The following LTBP1 variants were observed in gnomAD, a reference collection of about 807,000 sequenced individuals.
The protein encoded by LTBP1 is latent transforming growth factor beta binding protein 1.
Under a neutral mutation model 207.6 loss-of-function variants are expected in LTBP1, and 129 were observed. The ratio of observed to expected loss-of-function variants is 0.62; its 90% CI spans 0.54 to 0.72. The LOEUF (loss-of-function observed/expected upper bound fraction) is 0.72, where lower values mean the gene tolerates loss of function less well. LTBP1 is among the 30% of genes least tolerant of loss of function. The probability of loss-of-function intolerance (pLI) is 0.00; values close to 1 mark genes in which losing one functional copy is unlikely to be tolerated. For missense variants in LTBP1, 2,281 were observed against 2,217.2 expected (o/e 1.03, Z -0.58); for synonymous variants, 963 against 833.7 (o/e 1.16, Z -2.67).
chr2:33,251,202 C>T (rs1457296074), intron 10 of LTBP1, among the ~76,000 whole-genome samples: 1 of 152,204 alleles, frequency 6.6e-6, no homozygotes, highest in East Asian at 1.9e-4. Flanking sequence ...CTACTAACAA[C>T]TGCATCCTAA....
At chr2:33,106,793 A>G (rs1343149678) in intron 3 of LTBP1, among the ~76,000 whole-genome samples, 2 of 152,210 alleles carry the variant, frequency 1.3e-5, no homozygotes, top group Non-Finnish European at 2.9e-5. Context: ...CATTGGCTTC[A>G]ACTTAAAGTC....
At chr2:33,098,589 C>T (rs1279115009) in intron 3 of LTBP1, among the ~76,000 whole-genome samples, 1 of 151,918 alleles carries the variant, frequency 6.6e-6, no homozygotes, top group Non-Finnish European at 1.5e-5. Flanking sequence ...CATGCCACCA[C>T]ACCCAGTGAA....
chr2:33,329,111 A>G (rs929599514), intron 24 of LTBP1, among the ~76,000 whole-genome samples: 3 of 152,190 alleles, frequency 2.0e-5, no homozygotes, highest in Admixed American at 6.6e-5. Flanking sequence ...TTTTCAGAGT[A>G]CCAGTTTACA....
intron 31 of LTBP1, among the ~76,000 whole-genome samples, chr2:33,384,925 G>A (rs1375555440): frequency 6.6e-6 from 1 of 152,106 alleles, no homozygotes; most frequent in Non-Finnish European, 1.5e-5. Flanking sequence ...ATCCTAAAGA[G>A]GATGACTTGC....
In LTBP1 at chr2:33,209,013, G is replaced by A. The variant is rs1272993991; in HGVS notation, c.1702-8539G>A. ...CTCCCAAGTAGCTGGGATTACAGGC[G>A]CCCGCCACCAAGCTTGGCTATTTTT... is the stretch of plus-strand genomic sequence containing the variant. On this transcript the variant is annotated intron_variant, in intron 7 of 33. Coordinates refer to ENST00000404816, the MANE Select transcript of LTBP1 (RefSeq NM_206943.4). Among the ~76,000 whole-genome samples, 7 of 151,714 alleles carry A rather than the reference G, an allele frequency of 4.6e-5. 1 individual carries two copies. Among genetic ancestry groups the A allele is most frequent in the Admixed American group, 2.6e-4 (4 of 15,228 alleles).
intron 10 of LTBP1, among the ~76,000 whole-genome samples, chr2:33,244,523 A>C (rs952570356): frequency 6.6e-6 from 1 of 152,254 alleles, no homozygotes; most frequent in Non-Finnish European, 1.5e-5. Flanking sequence ...ATCACTACAG[A>C]TCATATGCCA....
intron 5 of LTBP1, among the ~76,000 whole-genome samples, chr2:33,175,598 C>A (rs1403215186): frequency 6.6e-6 from 1 of 152,158 alleles, no homozygotes; most frequent in African/African-American, 2.4e-5. Flanking sequence ...CAGTGTGACA[C>A]TTCCTCAGGG....
chr2:33,235,743 GT>G (rs2092013168), intron 9 of LTBP1, among the ~76,000 whole-genome samples: 2 of 152,190 alleles, frequency 1.3e-5, no homozygotes, highest in Admixed American at 1.3e-4. Context: ...ATGAGTTCAT[GT>G]CCTCTGCAGG....
chr2:33,321,285 C>T (rs1003992065), intron 24 of LTBP1, among the ~76,000 whole-genome samples: 3 of 152,092 alleles, frequency 2.0e-5, no homozygotes, highest in Non-Finnish European at 4.4e-5. Context: ...AACCCCATAA[C>T]CTTCTTAGGT....
intron 5 of LTBP1, among the ~76,000 whole-genome samples, chr2:33,179,587 A>G (rs1035322662): frequency 6.6e-6 from 1 of 151,914 alleles, no homozygotes; most frequent in Non-Finnish European, 1.5e-5. Context: ...CTCTTCTCTC[A>G]TATGTAAAAG....
chr2:33,335,382 C>T (rs2094543141), intron 24 of LTBP1, among the ~76,000 whole-genome samples: 1 of 152,074 alleles, frequency 6.6e-6, no homozygotes, highest in Admixed American at 6.5e-5. Flanking sequence ...TAGTCAGACT[C>T]GGCCCAGGGA....
chr2:33,366,098 C>T (rs539924669), intron 31 of LTBP1, among the ~76,000 whole-genome samples: 2 of 152,314 alleles, frequency 1.3e-5, no homozygotes, highest in African/African-American at 2.4e-5. Context: ...AGTTTCATCC[C>T]CTCTCCCAGT....
At chr2:33,135,341 T>C (rs893707169) in intron 5 of LTBP1, among the ~76,000 whole-genome samples, 3 of 152,242 alleles carry the variant, frequency 2.0e-5, no homozygotes, top group African/African-American at 7.2e-5. Context: ...TTGACTCATG[T>C]AATAAATTTT....
intron 3 of LTBP1, among the ~76,000 whole-genome samples, chr2:33,027,760 C>T (rs2075495978): frequency 6.6e-6 from 1 of 152,134 alleles, no homozygotes; most frequent in Non-Finnish European, 1.5e-5. Context: ...TCGCTTGAAC[C>T]CGGGAGGTGG....
intron 5 of LTBP1, among the ~76,000 whole-genome samples, chr2:33,159,775 C>A (rs1227263814): frequency 6.6e-6 from 1 of 152,208 alleles, no homozygotes; most frequent in Admixed American, 6.5e-5. Context: ...GTGTACTCAA[C>A]TTAGTTTTAG....
chr2:33,330,297 A>G (rs913447889), intron 24 of LTBP1, among the ~76,000 whole-genome samples: 5 of 151,996 alleles, frequency 3.3e-5, no homozygotes, highest in Non-Finnish European at 4.4e-5. Flanking sequence ...CACATATACA[A>G]TTATGTTGTA....
intron 24 of LTBP1, among the ~76,000 whole-genome samples, chr2:33,315,473 T>G (rs1211037252): frequency 6.6e-6 from 1 of 152,130 alleles, no homozygotes; most frequent in Non-Finnish European, 1.5e-5. Context: ...GTTATGATGA[T>G]AAAAACACTC....
intron 2 of LTBP1, among the ~76,000 whole-genome samples, chr2:32,991,837 A>C (rs1245737090): frequency 6.6e-6 from 1 of 152,174 alleles, no homozygotes; most frequent in African/African-American, 2.4e-5. Flanking sequence ...TAGGGACAAA[A>C]AACTCACTCC....
chr2:32,975,707 A>G (rs1046109353), intron 2 of LTBP1, among the ~76,000 whole-genome samples: 2 of 140,444 alleles, frequency 1.4e-5, no homozygotes, highest in African/African-American at 5.3e-5. Context: ...AATACTTGTT[A>G]TGATATCGTG....
Sources: gnomAD v4.1 joint callset for allele counts (sites outside exome capture counted in the v4.1 genomes callset) on GRCh38, gnomAD v4.1.1 for gene constraint, MANE v1.5 for transcripts, NCBI Gene and HGNC (gene_info 2026-07-23, HGNC 2026-07-21) for gene names.